Variants in SLC2A13 observed in about 807,000 individuals in gnomAD.
The protein encoded by SLC2A13 is solute carrier family 2 member 13.
A neutral mutation model predicts 64.4 loss-of-function variants in SLC2A13; 32 were observed. The ratio of observed to expected loss-of-function variants is 0.50; its 90% CI spans 0.37 to 0.67. The LOEUF is 0.67. SLC2A13 is among the 30% of genes least tolerant of loss of function. The pLI is 0.00. For missense variants in SLC2A13, 743 were observed against 829.2 expected (o/e 0.90, Z 1.28); for synonymous variants, 338 against 327.1 (o/e 1.03, Z -0.36).
intron 7 of SLC2A13, among the ~76,000 whole-genome samples, chr12:39,797,987 C>A (rs1226131158): frequency 6.6e-6 from 1 of 152,092 alleles, no homozygotes; most frequent in Non-Finnish European, 1.5e-5. Flanking sequence ...ACTTGTGTAA[C>A]CAATTTGATA....
chr12:39,874,389 G>A (rs1328187406), intron 4 of SLC2A13, among the ~76,000 whole-genome samples: 1 of 152,184 alleles, frequency 6.6e-6, no homozygotes, highest in South Asian at 2.1e-4. Flanking sequence ...CAAGGCGGGT[G>A]GATCACCTGA....
At chr12:39,951,399 C>T (rs1388649198) in intron 3 of SLC2A13, 34 bp from the exon 4 acceptor site, 1 of 1,501,328 alleles carries the variant, frequency 6.7e-7, no homozygotes, top group Non-Finnish European at 9.0e-7. Context: ...AAAAATACAA[C>T]TATTATTTTT....
chr12:39,967,999 C>T (rs1174621588), intron 3 of SLC2A13, among the ~76,000 whole-genome samples: 1 of 152,186 alleles, frequency 6.6e-6, no homozygotes, highest in African/African-American at 2.4e-5. Flanking sequence ...CAAATTACCT[C>T]AAAAATCTTG....
chr12:40,023,832 A>T (rs1037685882), intron 3 of SLC2A13, among the ~76,000 whole-genome samples: 1 of 152,246 alleles, frequency 6.6e-6, no homozygotes, highest in Non-Finnish European at 1.5e-5. Flanking sequence ...TGACAGAGTG[A>T]TGGGTTCCAT....
At chr12:39,807,076 C>G (rs1002762420) in intron 7 of SLC2A13, among the ~76,000 whole-genome samples, 1 of 150,872 alleles carries the variant, frequency 6.6e-6, no homozygotes, top group Non-Finnish European at 1.5e-5. Context: ...GTTTTTGCCA[C>G]TGAAAGTAAT....
intron 2 of SLC2A13, among the ~76,000 whole-genome samples, chr12:40,046,698 AC>A (rs1948176538): frequency 6.6e-6 from 1 of 151,874 alleles, no homozygotes; most frequent in South Asian, 2.1e-4. Context: ...AGACACAACA[AC>A]CGTTTTTAAA....
chr12:39,856,083 T>TCCTA (rs1429628895), intron 6 of SLC2A13, among the ~76,000 whole-genome samples: 1 of 152,146 alleles, frequency 6.6e-6, no homozygotes, highest in Non-Finnish European at 1.5e-5. Context: ...CTTGGATGCT[T>TCCTA]CCTAAATCAC....
intron 7 of SLC2A13, among the ~76,000 whole-genome samples, chr12:39,806,070 C>T (rs1941970823): frequency 6.6e-6 from 1 of 152,142 alleles, no homozygotes; most frequent in Non-Finnish European, 1.5e-5. Context: ...GTAGCTGCAA[C>T]AGAACTGATT....
intron 2 of SLC2A13, among the ~76,000 whole-genome samples, chr12:40,030,947 A>G (rs1163698956): frequency 1.3e-5 from 2 of 152,206 alleles, no homozygotes; most frequent in Non-Finnish European, 2.9e-5. Context: ...ATCCTTAAGC[A>G]TATTAAAGCT....
At chr12:39,764,975 T>A (rs1940295959) in intron 7 of SLC2A13, 117 bp from the exon 8 acceptor site, 1 of 1,198,350 alleles carries the variant, frequency 8.3e-7, no homozygotes. Context: ...GTCCAAAATG[T>A]TTTTCTTAAA....
chr12:39,831,974 C>T (rs1309518172), intron 6 of SLC2A13, among the ~76,000 whole-genome samples: 3 of 152,164 alleles, frequency 2.0e-5, no homozygotes, highest in Non-Finnish European at 2.9e-5. Context: ...CAGACTAACA[C>T]AACTGGCATG....
At chr12:40,028,029 G>GCTT (rs1156315448) in intron 3 of SLC2A13, among the ~76,000 whole-genome samples, 3 of 152,010 alleles carry the variant, frequency 2.0e-5, no homozygotes, top group Non-Finnish European at 2.9e-5. Context: ...ATAAAAATTA[G>GCTT]TATGAAAATT....
chr12:40,052,193 G>A (rs17518148), intron 1 of SLC2A13, among the ~76,000 whole-genome samples: 3,463 of 152,206 alleles, frequency 0.023, 140 homozygotes, highest in African/African-American at 0.079. Flanking sequence ...AATTGAGTCA[G>A]AGGCACTTTG....
intron 4 of SLC2A13, among the ~76,000 whole-genome samples, chr12:39,904,806 A>G (rs937242931): frequency 6.6e-6 from 1 of 152,118 alleles, no homozygotes; most frequent in Non-Finnish European, 1.5e-5. Flanking sequence ...TCTTTAGTGC[A>G]TATTTGTTGA....
chr12:40,087,585 C>G (rs1410413691), intron 1 of SLC2A13, among the ~76,000 whole-genome samples: 1 of 152,144 alleles, frequency 6.6e-6, no homozygotes, highest in Non-Finnish European at 1.5e-5. Context: ...AACCCACAAG[C>G]ATTTACTAAA....
At chr12:39,923,694 G>GCACC in intron 4 of SLC2A13, among the ~76,000 whole-genome samples, 1 of 137,330 alleles carries the variant, frequency 7.3e-6, no homozygotes, top group Middle Eastern at 3.7e-3. Flanking sequence ...ATATGCGCAC[G>GCACC]CGCACACACA....
At chr12:40,085,989 C>T (rs1292050790) in intron 1 of SLC2A13, among the ~76,000 whole-genome samples, 1 of 152,154 alleles carries the variant, frequency 6.6e-6, no homozygotes, top group Non-Finnish European at 1.5e-5. Flanking sequence ...AAGGCACATG[C>T]CACCATGCCC....
chr12:39,774,011 G>T (rs1940678253), intron 7 of SLC2A13, among the ~76,000 whole-genome samples: 1 of 152,126 alleles, frequency 6.6e-6, no homozygotes, highest in African/African-American at 2.4e-5. Context: ...TTCTGGACAA[G>T]GTCCCTAAGC....
rs772303217 is a variant in SLC2A13 at position 40,028,527 on chromosome 12, C to G, written c.717-18G>C. 8.1e-6 allele frequency: 13 copies of G among 1,610,530 alleles called. No individual in the cohort carries two copies. Among genetic ancestry groups the G allele is most frequent in the Non-Finnish European group, 1.1e-5 (13 of 1,178,690 alleles). On this transcript the variant is annotated intron_variant, in intron 2 of 9. Coordinates refer to ENST00000280871, the MANE Select transcript of SLC2A13 (RefSeq NM_052885.4). ...ACATGTACCTGCAAAGAAAAAAAATCCACATTTACTGTAAAATTTGCTCTT... is the reference window on the plus strand; with the variant it reads ...ACATGTACCTGCAAAGAAAAAAAATGCACATTTACTGTAAAATTTGCTCTT...
Sources: gnomAD v4.1 joint callset for allele counts (sites outside exome capture counted in the v4.1 genomes callset) on GRCh38, gnomAD v4.1.1 for gene constraint, MANE v1.5 for transcripts, NCBI Gene and HGNC (gene_info 2026-07-23, HGNC 2026-07-21) for gene names.